PRKDC: variants seen among roughly 807,000 people sequenced by gnomAD.
PRKDC encodes DNA-dependent protein kinase catalytic subunit.
PRKDC carries 82 observed loss-of-function variants against 486.9 expected under a neutral mutation model. The ratio of observed to expected loss-of-function variants is 0.17; its 90% CI spans 0.14 to 0.20. The LOEUF (loss-of-function observed/expected upper bound fraction) is 0.20. Ranked by LOEUF, PRKDC falls within the 10% of genes least tolerant of loss-of-function variation. PRKDC has a pLI of 1.00. For synonymous variants in PRKDC, 1,895 were observed against 1,837.0 expected (o/e 1.03, Z -0.81); for missense variants, 4,504 against 5,038.2 (o/e 0.89, Z 3.21).
chr8:47,787,838 T>C (rs989951548), intron 76 of PRKDC, among the ~76,000 whole-genome samples: 5 of 152,192 alleles, frequency 3.3e-5, no homozygotes, highest in African/African-American at 1.2e-4. Context: ...GGTTTCTTTT[T>C]TCTGGTGATG....
At chr8:47,794,213 G>A in intron 74 of PRKDC, 77 bp downstream of exon 74, 1 of 1,147,160 alleles carries the variant, frequency 8.7e-7, no homozygotes, top group East Asian at 2.5e-5. Flanking sequence ...CAAATGTAGT[G>A]TCCACGTGTG....
chr8:47,879,775 C>T (rs1369830119), intron 38 of PRKDC, 117 bp from the exon 39 acceptor site: 1 of 769,162 alleles, frequency 1.3e-6, no homozygotes, highest in Non-Finnish European at 1.9e-6. Flanking sequence ...CAATGAATGG[C>T]TTCACCATAA....
At chr8:47,796,468 T>C (rs1296224563) in intron 73 of PRKDC, among the ~76,000 whole-genome samples, 1 of 152,228 alleles carries the variant, frequency 6.6e-6, no homozygotes, top group Non-Finnish European at 1.5e-5. Context: ...TTGCCTTACA[T>C]CCTTTAATCA....
chr8:47,857,419 G>C (rs1052397736), intron 48 of PRKDC, 120 bp from the exon 49 acceptor site: 1 of 1,103,086 alleles, frequency 9.1e-7, no homozygotes, highest in Non-Finnish European at 1.3e-6. Context: ...AAAGCCAAAA[G>C]CGAGGTAAGC....
intron 73 of PRKDC, among the ~76,000 whole-genome samples, chr8:47,797,167 T>C (rs1161536732): frequency 1.3e-5 from 2 of 152,198 alleles, no homozygotes; most frequent in African/African-American, 2.4e-5. Context: ...ACACAGCTCA[T>C]GTAAGCTCAC....
At chr8:47,936,044 T>C (rs1416858949) in intron 12 of PRKDC, 144 bp from the exon 13 acceptor site, 1 of 856,642 alleles carries the variant, frequency 1.2e-6, no homozygotes, top group East Asian at 2.7e-5. Context: ...CTGCTTAACA[T>C]GTATTACTGT....
At chr8:47,959,945 CCG>C (rs2090784709) in intron 1 of PRKDC, 26 bp downstream of exon 1, 1 of 1,531,380 alleles carries the variant, frequency 6.5e-7, no homozygotes, top group Non-Finnish European at 8.7e-7. Flanking sequence ...CAGGACCCAC[CCG>C]CGGCCCAGCT....
At chr8:47,887,842 T>C in intron 34 of PRKDC, 137 bp from the exon 35 acceptor site, 2 of 983,190 alleles carry the variant, frequency 2.0e-6, no homozygotes, top group Non-Finnish European at 2.9e-6. Context: ...AAAATTTTAA[T>C]TCAACTTTGC....
intron 7 of PRKDC, among the ~76,000 whole-genome samples, chr8:47,948,098 G>GCGCACACA (rs952863671): frequency 7.1e-6 from 1 of 140,194 alleles, no homozygotes; most frequent in South Asian, 2.4e-4. Flanking sequence ...AAATATATTT[G>GCGCACACA]CACACACACA....
Position 47,918,660 on chromosome 8 carries a change from C to T in PRKDC, c.2420-277G>A, listed in dbSNP as rs183994456. 1.3e-3 allele frequency among the ~76,000 whole-genome samples: 199 copies of T among 152,300 alleles called. 1 individual carries two copies. The highest frequency in any genetic ancestry group is 3.7e-3 in the African/African-American group (153 of 41,564). Reference sequence around the variant, plus strand: ...AGGAGTGGCTCCCACGCATCACACTCGGGCCAAATCTGGGACAATGTGGGC... The same window carrying T: ...AGGAGTGGCTCCCACGCATCACACTTGGGCCAAATCTGGGACAATGTGGGC... On this transcript the variant is annotated intron_variant, in intron 21 of 85. Transcript: ENST00000314191.
intron 68 of PRKDC, among the ~76,000 whole-genome samples, chr8:47,810,780 C>T (rs2087308710): frequency 1.3e-5 from 2 of 151,920 alleles, no homozygotes; most frequent in Admixed American, 6.6e-5. Flanking sequence ...AAATACAATA[C>T]CTAAGATAAA....
Position 47,800,886 on chromosome 8 carries a change from G to A in PRKDC, c.10023C>T (p.Leu3341=). The A allele has an allele frequency of 6.2e-7, 1 of 1,613,790 alleles. No homozygotes were observed. Among genetic ancestry groups the A allele is most frequent in the Non-Finnish European group, 8.5e-7 (1 of 1,179,818 alleles). Residue 3341 remains leucine (L), a synonymous_variant, in exon 71 of 86, where the codon CTC becomes CTT. Coordinates refer to ENST00000314191, the MANE Select transcript of PRKDC (RefSeq NM_006904.7). Reference sequence around the variant, plus strand: ...CAGCAAGGCAGGCTGGCTCACTGCTGAGAGCATTCGCTATGATCCTGTAAG... The same window carrying A: ...CAGCAAGGCAGGCTGGCTCACTGCTAAGAGCATTCGCTATGATCCTGTAAG... ...GTTYRIIANA[L]SSEPACLAEI... is the part of the protein sequence containing the mutation.
At chr8:47,784,104 A>G (rs1218994181) in intron 77 of PRKDC, 1 of 275,368 alleles carries the variant, frequency 3.6e-6, no homozygotes, top group African/African-American at 2.2e-5. Context: ...TAAAAATACA[A>G]AAAATTGGCC....
At position 47,836,187 on chromosome 8, in the gene PRKDC, C is replaced by A. The variant is rs1014008530; in HGVS notation, c.7951+151G>T. On this transcript the variant is annotated intron_variant, in intron 58 of 85. Transcript: ENST00000314191. ...CCATGAGTTTGACTGTTATAGGAAC[C>A]CCCTCTTTTGAATGACATCTTCCTT... 9 of 779,376 alleles carry A rather than the reference C, an allele frequency of 1.2e-5. No individual in the cohort carries two copies. The East Asian group carries it at 2.5e-4, about 21-fold the overall frequency. 48.3% of individuals were successfully genotyped at this position (779,376 alleles called of 1,614,324 possible). A position where few individuals can be genotyped will look rare whatever the true frequency, so the allele number is the denominator to read the frequency against.
chr8:47,825,102 G>A (rs2087704121), intron 63 of PRKDC, among the ~76,000 whole-genome samples: 1 of 152,142 alleles, frequency 6.6e-6, no homozygotes, highest in African/African-American at 2.4e-5. Flanking sequence ...GCAGCTCATG[G>A]CCCCAGAGTC....
intron 40 of PRKDC, among the ~76,000 whole-genome samples, chr8:47,869,711 G>A (rs1197166091): frequency 6.6e-6 from 1 of 151,992 alleles, no homozygotes; most frequent in African/African-American, 2.4e-5. Flanking sequence ...GGCCACAGAG[G>A]GGCAACATCC....
In PRKDC at chr8:47,773,475, T is replaced by TCTTC. The variant is rs2086555392; in HGVS notation, c.*694_*697dup. On this transcript the variant is annotated 3_prime_UTR_variant, in exon 86 of 86. Coordinates refer to ENST00000314191, the MANE Select transcript of PRKDC (RefSeq NM_006904.7). ...ATTCAATGCAAAGCACTTTTATGTATCTTCCAGTTGTAGATTGGAATAGCA... is the reference window on the plus strand; with the variant it reads ...ATTCAATGCAAAGCACTTTTATGTATCTTCCTTCCAGTTGTAGATTGGAATAGCA... 1 of 219,086 alleles carries TCTTC rather than the reference T, an allele frequency of 4.6e-6. No homozygotes were observed. The highest frequency in any genetic ancestry group is 6.8e-5 in the East Asian group (1 of 14,786). The allele number at this position is 219,086 out of a possible 1,614,324, so 13.6% of individuals were successfully genotyped here. A position where few individuals can be genotyped will look rare whatever the true frequency, so the allele number is the denominator to read the frequency against.
At position 47,862,147 on chromosome 8, in the gene PRKDC, T is replaced by C. The variant is rs767578841; in HGVS notation, c.5920-20A>G. ...CAAGTTCTGTGAATACAAAGAATCA[T>C]ATAAAAATAGCTGAATGGTGAAGAT... On this transcript the variant is annotated intron_variant, in intron 43 of 85. Transcript: ENST00000314191. The C allele has an allele frequency of 1.5e-5, 23 of 1,531,674 alleles. No individual in the cohort carries two copies. The highest frequency in any genetic ancestry group is 2.0e-5 in the Non-Finnish European group (23 of 1,131,718). The allele number at this position is 1,531,674 out of a possible 1,614,324, so 94.9% of individuals were successfully genotyped here.
chr8:47,914,893 A>T (rs145870347), intron 23 of PRKDC, among the ~76,000 whole-genome samples: 5,312 of 152,148 alleles, frequency 0.035, 126 homozygotes, highest in Middle Eastern at 0.068. Flanking sequence ...GAGCGCAGGC[A>T]ATCTTCCCAC....
Sources: allele counts gnomAD v4.1 joint callset (sites outside exome capture counted in the v4.1 genomes callset), GRCh38; gene constraint gnomAD v4.1.1; transcripts MANE v1.5; gene names NCBI Gene and HGNC (gene_info 2026-07-23, HGNC 2026-07-21).